The following PLD1 variants were observed in gnomAD, a reference collection of about 807,000 sequenced individuals.
PLD1 encodes choline phosphatase 1.
PLD1 carries 112 observed loss-of-function variants against 137.1 expected under a neutral mutation model. That is an observed-to-expected ratio of 0.82 (90% CI 0.70 to 0.96). The LOEUF (loss-of-function observed/expected upper bound fraction) is 0.96. Ranked by LOEUF, PLD1 falls within the 40% of genes least tolerant of loss-of-function variation. PLD1 has a pLI of 0.00. For missense variants in PLD1, 1,321 were observed against 1,342.0 expected (o/e 0.98, Z 0.24); for synonymous variants, 431 against 454.7 (o/e 0.95, Z 0.66).
At chr3:171,651,789 T>G (rs765809460) in intron 21 of PLD1, among the ~76,000 whole-genome samples, 32 of 152,144 alleles carry the variant, frequency 2.1e-4, no homozygotes, top group Admixed American at 5.9e-4. Flanking sequence ...AACCTTATAC[T>G]AAACTGTTCC....
chr3:171,701,395 G>C (rs756118571), intron 11 of PLD1, among the ~76,000 whole-genome samples: 8 of 152,126 alleles, frequency 5.3e-5, no homozygotes, highest in Non-Finnish European at 1.0e-4. Context: ...TTCACCAAAA[G>C]TGAGAGATAG....
chr3:171,678,084 G>C (rs6805911), intron 16 of PLD1, among the ~76,000 whole-genome samples: 2 of 152,002 alleles, frequency 1.3e-5, no homozygotes, highest in African/African-American at 4.8e-5. Context: ...TGGGAAGGGC[G>C]GGGAGGGGAG....
intron 1 of PLD1, among the ~76,000 whole-genome samples, chr3:171,745,460 T>A (rs959697266): frequency 1.4e-4 from 22 of 152,192 alleles, no homozygotes; most frequent in Non-Finnish European, 2.9e-5. Flanking sequence ...CTGCTCTCAC[T>A]TCTTCTCCTA....
At chr3:171,675,256 T>G (rs1382484712) in intron 18 of PLD1, among the ~76,000 whole-genome samples, 1 of 152,174 alleles carries the variant, frequency 6.6e-6, no homozygotes, top group East Asian at 1.9e-4. Context: ...GATTATGTTC[T>G]AGATATCTTG....
At chr3:171,797,634 A>G (rs909232128) in intron 1 of PLD1, among the ~76,000 whole-genome samples, 2 of 152,252 alleles carry the variant, frequency 1.3e-5, no homozygotes, top group Non-Finnish European at 2.9e-5. Context: ...TGTCTTTAAA[A>G]AAAAAATACT....
chr3:171,773,298 T>C (rs1722464372), intron 1 of PLD1, among the ~76,000 whole-genome samples: 1 of 152,104 alleles, frequency 6.6e-6, no homozygotes, highest in Non-Finnish European at 1.5e-5. Flanking sequence ...GCTGTACTAC[T>C]AAAACTAAAA....
Position 171,605,359 on chromosome 3 carries a change from G to A in PLD1, c.2940C>T (p.Asp980=). The change falls in exon 26 of 27, where the codon GAC becomes GAT. Residue 980 remains aspartate (D), a synonymous_variant. Transcript: ENST00000351298. ...PSEDIQDPVS[D]KFFKEVWVST... ...AAACCCACACCTCCTTGAAGAATTT[G>A]TCACTCACTGGATCCTGAATGTCCT... 6.2e-7 allele frequency: 1 copy of A among 1,613,842 alleles called. No individual in the cohort carries two copies. Among genetic ancestry groups the A allele is most frequent in the Non-Finnish European group, 8.5e-7 (1 of 1,179,814 alleles).
At chr3:171,736,763 C>T (rs747049130) in intron 3 of PLD1, among the ~76,000 whole-genome samples, 14 of 152,192 alleles carry the variant, frequency 9.2e-5, no homozygotes, top group Non-Finnish European at 1.8e-4. Context: ...CCTTACTCTG[C>T]CATGGCTAGA....
rs7609750 is a variant in PLD1, at chr3:171,702,529, C to A, written c.1146-2703G>T. Among the ~76,000 whole-genome samples the A allele has an allele frequency of 8.5e-3, 1,286 of 150,686 alleles. 19 individuals carry two copies. Among genetic ancestry groups the A allele is most frequent in the African/African-American group, 0.026 (1,055 of 41,062 alleles). On this transcript the variant is annotated intron_variant, in intron 11 of 26. Transcript: ENST00000351298. ...TGAAAGACAGGTAATCACTATAGGG[C>A]CTAGAGGCATTATAATTATATTAAA...
At chr3:171,696,126 T>G (rs563482729) in intron 12 of PLD1, among the ~76,000 whole-genome samples, 8 of 152,148 alleles carry the variant, frequency 5.3e-5, no homozygotes, top group Admixed American at 5.2e-4. Context: ...GGACAGAAAA[T>G]CAACCTGAAG....
chr3:171,790,109 G>C (rs1723158410), intron 1 of PLD1, among the ~76,000 whole-genome samples: 1 of 152,222 alleles, frequency 6.6e-6, no homozygotes, highest in Admixed American at 6.5e-5. Flanking sequence ...ATTTTAGTTA[G>C]TCAAAAGGGA....
chr3:171,792,659 G>T (rs1452099846), intron 1 of PLD1: 2 of 456,600 alleles, frequency 4.4e-6, no homozygotes, highest in Non-Finnish European at 8.8e-6. Context: ...CCCTGCCTCT[G>T]TGAGTCACAG....
intron 23 of PLD1, among the ~76,000 whole-genome samples, chr3:171,634,179 C>T (rs1312205524): frequency 6.6e-6 from 1 of 152,108 alleles, no homozygotes; most frequent in Non-Finnish European, 1.5e-5. Context: ...TCCCAAGGTA[C>T]TTGGAAATCT....
intron 1 of PLD1, among the ~76,000 whole-genome samples, chr3:171,799,080 C>T (rs984085730): frequency 1.2e-4 from 19 of 152,190 alleles, no homozygotes; most frequent in African/African-American, 4.3e-4. Context: ...GTGGCTCATG[C>T]CTGTAATCCC....
chr3:171,659,305 T>C lies in PLD1; in HGVS notation c.2341-4A>G, dbSNP rs776880182. Reference sequence around the variant, plus strand: ...CACAGCTTATGAAAAACTGGTTCTATGAGAAATAAACAAGACAATCATGTT... The same window carrying C: ...CACAGCTTATGAAAAACTGGTTCTACGAGAAATAAACAAGACAATCATGTT... On this transcript the variant is annotated splice_polypyrimidine_tract_variant and splice_region_variant and intron_variant, in intron 20 of 26. Transcript: ENST00000351298. 5 of 1,587,970 alleles carry C rather than the reference T, an allele frequency of 3.1e-6. No individual in the cohort carries two copies. In the Admixed American group the frequency reaches 6.7e-5, roughly 21 times the overall value.
intron 21 of PLD1, 82 bp from the exon 22 acceptor site, chr3:171,645,105 G>A: frequency 1.1e-6 from 1 of 882,582 alleles, no homozygotes; most frequent in Non-Finnish European, 1.9e-6. Context: ...CAGTTCACAT[G>A]GTTTTTGAGA....
At chr3:171,769,756 A>G (rs1402330494) in intron 1 of PLD1, among the ~76,000 whole-genome samples, 1 of 152,202 alleles carries the variant, frequency 6.6e-6, no homozygotes, top group South Asian at 2.1e-4. Context: ...TTTTTTAAGT[A>G]CCTATTTCTG....
At chr3:171,633,355 G>A (rs576568052) in intron 23 of PLD1, among the ~76,000 whole-genome samples, 10 of 152,136 alleles carry the variant, frequency 6.6e-5, no homozygotes, top group Non-Finnish European at 1.3e-4. Context: ...AGAAATAGAT[G>A]AACAAGTATA....
At chr3:171,608,508 A>G (rs1383572281) in intron 25 of PLD1, among the ~76,000 whole-genome samples, 1 of 152,240 alleles carries the variant, frequency 6.6e-6, no homozygotes, top group Non-Finnish European at 1.5e-5. Context: ...GTGGTATGGC[A>G]AAAAGTAGTC....
Sources: allele counts gnomAD v4.1 joint callset (sites outside exome capture counted in the v4.1 genomes callset), GRCh38; gene constraint gnomAD v4.1.1; transcripts MANE v1.5; gene names NCBI Gene and HGNC (gene_info 2026-07-23, HGNC 2026-07-21).